SLC12A8: variants seen among roughly 807,000 people sequenced by gnomAD.
The protein encoded by SLC12A8 is solute carrier family 12 member 8.
Under a neutral mutation model 75.6 loss-of-function variants are expected in SLC12A8, and 69 were observed. The ratio of observed to expected loss-of-function variants is 0.91; its 90% CI spans 0.75 to 1.11. The LOEUF is 1.11. SLC12A8 is among the 50% of genes most tolerant of loss of function. The pLI, the probability that SLC12A8 is intolerant of heterozygous loss-of-function variation, is 0.00. For missense variants in SLC12A8, 877 were observed against 896.7 expected, an observed-to-expected ratio of 0.98 and a Z score of 0.28; for synonymous variants, 365 against 372.8, an observed-to-expected ratio of 0.98 and a Z score of 0.24.
At position 125,107,931 on chromosome 3, in the gene SLC12A8, C is replaced by A. The variant is rs757859520; in HGVS notation, c.1255G>T (p.Val419Leu). Reference protein sequence around the residue: ...SCSLTPVPEPVLREGAEGLHC... With the variant: ...SCSLTPVPEPLLREGAEGLHC... Reference sequence around the variant, plus strand: ...AGGCCTTCTGCGCCCTCCCTGAGCACCGGCTCAGGCACCGGGGTCAGGCTG... The same window carrying A: ...AGGCCTTCTGCGCCCTCCCTGAGCAACGGCTCAGGCACCGGGGTCAGGCTG... The change falls in exon 10 of 14, where the codon GTG (valine) becomes TTG (leucine). Residue 419 changes from valine (V) to leucine (L), a missense_variant. Val to Leu is a conservative substitution (Grantham distance 32, BLOSUM62 1). Coordinates refer to ENST00000469902, the MANE Select transcript of SLC12A8 (RefSeq NM_024628.6). The A allele has an allele frequency of 3.1e-6, 5 of 1,614,138 alleles. No homozygotes were observed. Among genetic ancestry groups the A allele is most frequent in the Admixed American group, 1.7e-5 (1 of 60,018 alleles).
intron 2 of SLC12A8, among the ~76,000 whole-genome samples, chr3:125,205,008 A>G (rs995242638): frequency 2.0e-5 from 3 of 152,150 alleles, no homozygotes; most frequent in African/African-American, 7.2e-5. Flanking sequence ...CTATACCACC[A>G]AAGACCACCT....
At chr3:125,102,388 G>T (rs1416895049) in intron 10 of SLC12A8, among the ~76,000 whole-genome samples, 2 of 152,208 alleles carry the variant, frequency 1.3e-5, no homozygotes, top group African/African-American at 4.8e-5. Context: ...GTAGGTTAGG[G>T]CTGCATTGCG....
At chr3:125,179,392 T>A (rs1934604743) in intron 4 of SLC12A8, among the ~76,000 whole-genome samples, 1 of 152,190 alleles carries the variant, frequency 6.6e-6, no homozygotes, top group African/African-American at 2.4e-5. Context: ...GTTGCAAGCA[T>A]TCAATAAATA....
intron 5 of SLC12A8, among the ~76,000 whole-genome samples, chr3:125,165,014 T>C (rs1934255647): frequency 6.6e-6 from 1 of 152,224 alleles, no homozygotes; most frequent in Admixed American, 6.5e-5. Context: ...TCCTCTCTGC[T>C]GGGCCAGGAA....
intron 8 of SLC12A8, among the ~76,000 whole-genome samples, chr3:125,115,132 A>G (rs1038562037): frequency 6.6e-6 from 1 of 152,176 alleles, no homozygotes; most frequent in Non-Finnish European, 1.5e-5. Flanking sequence ...ACATGCTTTC[A>G]TGGGTTATCT....
chr3:125,154,823 CCTT>C (rs1166357777), intron 5 of SLC12A8: 4 of 152,090 alleles, frequency 2.6e-5, no homozygotes, highest in African/African-American at 4.8e-5. Context: ...CTGTATGCAC[CCTT>C]CTTCTTGTGA....
At chr3:125,124,029 T>A (rs1395738268) in intron 6 of SLC12A8, among the ~76,000 whole-genome samples, 1 of 152,134 alleles carries the variant, frequency 6.6e-6, no homozygotes, top group Admixed American at 6.5e-5. Context: ...CCCCCTTTAC[T>A]CCTCCCCCAG....
intron 5 of SLC12A8, among the ~76,000 whole-genome samples, chr3:125,140,925 A>G (rs929431456): frequency 2.0e-5 from 3 of 152,136 alleles, no homozygotes; most frequent in Middle Eastern, 3.4e-3. Context: ...ACCTCAGAAG[A>G]GTCTCTTTGC....
chr3:125,177,370 T>C (rs991431289), intron 5 of SLC12A8, among the ~76,000 whole-genome samples: 3 of 151,700 alleles, frequency 2.0e-5, no homozygotes, highest in Non-Finnish European at 4.4e-5. Context: ...ATATACCTAA[T>C]GTAAATGACG....
chr3:125,140,817 T>G (rs567754236), intron 5 of SLC12A8, among the ~76,000 whole-genome samples: 40 of 152,160 alleles, frequency 2.6e-4, no homozygotes, highest in African/African-American at 8.9e-4. Context: ...ACTCCCAGCC[T>G]CGAGCAACCC....
At chr3:125,100,389 T>A (rs1365013882) in intron 10 of SLC12A8, among the ~76,000 whole-genome samples, 3 of 151,918 alleles carry the variant, frequency 2.0e-5, no homozygotes, top group Non-Finnish European at 4.4e-5. Context: ...GCTTAATAGA[T>A]ATGCAATTAT....
intron 5 of SLC12A8, among the ~76,000 whole-genome samples, chr3:125,165,818 A>AGGCCAGCT (rs1934273646): frequency 6.6e-6 from 1 of 152,308 alleles, no homozygotes; most frequent in Non-Finnish European, 1.5e-5. Context: ...ACACAGTGCC[A>AGGCCAGCT]GGCCAGCTGC....
chr3:125,120,687 C>T lies in SLC12A8; in HGVS notation c.737-1G>A, dbSNP rs968699802. 1.9e-6 allele frequency: 3 copies of T among 1,612,978 alleles called. No individual in the cohort carries two copies. Among genetic ancestry groups the T allele is most frequent in the Admixed American group, 3.3e-5 (2 of 59,968 alleles). Reference sequence around the variant, plus strand: ...CCCATGTTGAAGCCGGCCATGACTCCTGAAAGACACCCAGATGGGGAATGG... The same window carrying T: ...CCCATGTTGAAGCCGGCCATGACTCTTGAAAGACACCCAGATGGGGAATGG... On this transcript the variant is annotated splice_acceptor_variant, in intron 6 of 13. Coordinates refer to ENST00000469902, the MANE Select transcript of SLC12A8 (RefSeq NM_024628.6). LOFTEE classifies it high-confidence loss of function.
chr3:125,118,336 T>C (rs933235514), intron 8 of SLC12A8, among the ~76,000 whole-genome samples: 2 of 152,152 alleles, frequency 1.3e-5, no homozygotes, highest in Non-Finnish European at 2.9e-5. Flanking sequence ...CTAGAGACTA[T>C]ATGAAGGCTG....
At chr3:125,125,188 A>T (rs1387789160) in intron 6 of SLC12A8, among the ~76,000 whole-genome samples, 1 of 152,026 alleles carries the variant, frequency 6.6e-6, no homozygotes, top group Non-Finnish European at 1.5e-5. Flanking sequence ...CAGTTTGGGA[A>T]ACACTCAGTG....
chr3:125,212,152 G>A (rs1386915068), intron 1 of SLC12A8, among the ~76,000 whole-genome samples: 1 of 152,076 alleles, frequency 6.6e-6, no homozygotes, highest in East Asian at 1.9e-4. Flanking sequence ...TGGGAAGAAG[G>A]CGACTAAGGA....
rs2788465 is a variant in SLC12A8 at position 125,097,906 on chromosome 3, C to T, written c.1706-5708G>A. ...AGGCAGGTAACTTTACTTTATCAAG[C>T]CTCTACTCATAAAACAAACAAGCAT... On this transcript the variant is annotated intron_variant, in intron 10 of 13. Transcript: ENST00000469902. Among the ~76,000 whole-genome samples, 5 of 152,090 alleles carry T rather than the reference C, an allele frequency of 3.3e-5. No individual in the cohort carries two copies. In the East Asian group the frequency reaches 9.7e-4, roughly 29 times the overall value.
At chr3:125,128,550 G>T (rs1386642295) in intron 6 of SLC12A8, among the ~76,000 whole-genome samples, 1 of 149,130 alleles carries the variant, frequency 6.7e-6, no homozygotes, top group Non-Finnish European at 1.5e-5. Context: ...TGCAATCTTG[G>T]CTCACCGCAA....
chr3:125,142,205 C>A (rs889083149), intron 5 of SLC12A8, among the ~76,000 whole-genome samples: 1 of 152,202 alleles, frequency 6.6e-6, no homozygotes, highest in Non-Finnish European at 1.5e-5. Context: ...TGTCCACGGG[C>A]CCCATCCTGC....
Sources: allele counts gnomAD v4.1 joint callset (sites outside exome capture counted in the v4.1 genomes callset), GRCh38; gene constraint gnomAD v4.1.1; transcripts MANE v1.5; gene names NCBI Gene and HGNC (gene_info 2026-07-23, HGNC 2026-07-21).